MCF2L2: variants seen among roughly 807,000 people sequenced by gnomAD.
MCF2L2 encodes the protein probable guanine nucleotide exchange factor MCF2L2.
Under a neutral mutation model 150.2 loss-of-function variants are expected in MCF2L2, and 102 were observed. That is an observed-to-expected ratio of 0.68 (90% CI 0.58 to 0.80). The LOEUF is 0.80. Ranked by LOEUF, MCF2L2 falls within the 30% of genes least tolerant of loss-of-function variation. The pLI, the probability that MCF2L2 is intolerant of heterozygous loss-of-function variation, is 0.00. For missense variants in MCF2L2, 1,256 were observed against 1,372.8 expected (o/e 0.91, Z 1.34); for synonymous variants, 465 against 491.3 (o/e 0.95, Z 0.71).
chr3:183,284,352 G>A (rs1256887386), intron 14 of MCF2L2, among the ~76,000 whole-genome samples: 2 of 152,158 alleles, frequency 1.3e-5, no homozygotes, highest in African/African-American at 4.8e-5. Context: ...CTAGGACAAT[G>A]TTACAAAGAG....
intron 25 of MCF2L2, among the ~76,000 whole-genome samples, chr3:183,201,633 T>C (rs1269278615): frequency 6.6e-6 from 1 of 152,216 alleles, no homozygotes; most frequent in East Asian, 1.9e-4. Context: ...TCCTGCCTGA[T>C]TGCCCTGGCC....
intron 3 of MCF2L2, among the ~76,000 whole-genome samples, chr3:183,369,594 C>T (rs1158311210): frequency 5.9e-5 from 9 of 152,032 alleles, no homozygotes; most frequent in Non-Finnish European, 1.3e-4. Flanking sequence ...ATTTGGCCAC[C>T]CTGCTCAACA....
intron 1 of MCF2L2, among the ~76,000 whole-genome samples, chr3:183,422,377 G>A (rs1715929551): frequency 6.6e-6 from 1 of 152,142 alleles, no homozygotes; most frequent in Non-Finnish European, 1.5e-5. Flanking sequence ...CTACTTCCAG[G>A]CAAAATCTCA....
chr3:183,321,450 A>AAAAG (rs1434926906), intron 6 of MCF2L2, among the ~76,000 whole-genome samples: 6 of 151,912 alleles, frequency 3.9e-5, no homozygotes, highest in East Asian at 1.9e-4. Flanking sequence ...AAAAAAAAAA[A>AAAAG]AAAGAAAGAA....
chr3:183,291,131 T>G (rs1209269035), intron 13 of MCF2L2, among the ~76,000 whole-genome samples: 1 of 152,208 alleles, frequency 6.6e-6, no homozygotes, highest in Non-Finnish European at 1.5e-5. Context: ...CTCTGTGGGA[T>G]CTCTATAAAG....
In MCF2L2 at chr3:183,293,153, C is replaced by CA. The variant is rs548718940; in HGVS notation, c.1675+2146dup. On this transcript the variant is annotated intron_variant, in intron 13 of 29. Coordinates refer to ENST00000328913, the MANE Select transcript of MCF2L2 (RefSeq NM_015078.4). Reference sequence around the variant, plus strand: ...AATACAAAGACAGAAGAATAGAAAACAAAAAAAATATGTTCTGCAAACACT... The same window carrying CA: ...AATACAAAGACAGAAGAATAGAAAACAAAAAAAAATATGTTCTGCAAACACT... Among the ~76,000 whole-genome samples the CA allele has an allele frequency of 6.1e-4, 92 of 151,606 alleles. 1 individual carries two copies. The highest frequency in any genetic ancestry group is 4.3e-3 in the East Asian group (22 of 5,168).
chr3:183,281,533 C>A (rs1727481591), intron 14 of MCF2L2, among the ~76,000 whole-genome samples: 1 of 152,126 alleles, frequency 6.6e-6, no homozygotes, highest in South Asian at 2.1e-4. Flanking sequence ...CCGCAAAAGC[C>A]ACTTAAATAT....
intron 7 of MCF2L2, among the ~76,000 whole-genome samples, chr3:183,316,634 T>C (rs1201893262): frequency 1.3e-5 from 2 of 148,650 alleles, no homozygotes; most frequent in South Asian, 2.2e-4. Context: ...CATGAGCCAC[T>C]GCACCCAGCC....
At chr3:183,208,468 A>G (rs1397182842) in intron 22 of MCF2L2, among the ~76,000 whole-genome samples, 1 of 152,246 alleles carries the variant, frequency 6.6e-6, no homozygotes, top group African/African-American at 2.4e-5. Flanking sequence ...GTTTGACTCT[A>G]GGCATAAACT....
intron 14 of MCF2L2, among the ~76,000 whole-genome samples, chr3:183,286,837 A>G (rs752481424): frequency 6.6e-6 from 1 of 152,202 alleles, no homozygotes; most frequent in Non-Finnish European, 1.5e-5. Flanking sequence ...GTTAACATAC[A>G]CTGTTGTGGG....
At chr3:183,225,276 T>A (rs1723303568) in intron 18 of MCF2L2, 1 of 152,100 alleles carries the variant, frequency 6.6e-6, no homozygotes, top group Non-Finnish European at 1.5e-5. Context: ...TGCTATTCCC[T>A]CCAGGAAAAA....
intron 1 of MCF2L2, among the ~76,000 whole-genome samples, chr3:183,417,665 C>T (rs922884600): frequency 1.3e-5 from 2 of 152,110 alleles, no homozygotes; most frequent in African/African-American, 4.8e-5. Flanking sequence ...CCAGGAATGT[C>T]TTTATTTTGC....
intron 4 of MCF2L2, among the ~76,000 whole-genome samples, chr3:183,340,573 C>T (rs1173572935): frequency 6.6e-6 from 1 of 152,102 alleles, no homozygotes; most frequent in Non-Finnish European, 1.5e-5. Flanking sequence ...TAATTTAATG[C>T]AAATGCAAGC....
intron 4 of MCF2L2, among the ~76,000 whole-genome samples, chr3:183,339,764 T>A (rs1436381981): frequency 6.6e-6 from 1 of 151,566 alleles, no homozygotes; most frequent in Non-Finnish European, 1.5e-5. Flanking sequence ...CTATGGGGAT[T>A]TTTTTTTTCT....
At chr3:183,360,344 G>C (rs563415229) in intron 3 of MCF2L2, among the ~76,000 whole-genome samples, 1 of 152,112 alleles carries the variant, frequency 6.6e-6, no homozygotes, top group Non-Finnish European at 1.5e-5. Context: ...GAGGCAGGAG[G>C]GTCACTTGAG....
At chr3:183,333,003 C>A (rs1204078927) in intron 5 of MCF2L2, among the ~76,000 whole-genome samples, 1 of 152,044 alleles carries the variant, frequency 6.6e-6, no homozygotes, top group Non-Finnish European at 1.5e-5. Context: ...TCTAAGATGG[C>A]AAGTCTTCAC....
intron 15 of MCF2L2, among the ~76,000 whole-genome samples, chr3:183,263,679 A>C (rs73884616): frequency 6.6e-5 from 10 of 151,980 alleles, no homozygotes; most frequent in Admixed American, 1.3e-4. Context: ...CTCGTCTTAG[A>C]TTATTACCCC....
rs139245334 is a variant in MCF2L2, at chr3:183,308,916, C to T, written c.1113+800G>A. Among the ~76,000 whole-genome samples the T allele has an allele frequency of 7.2e-3, 1,096 of 152,296 alleles. 4 individuals carry two copies. Among genetic ancestry groups the T allele is most frequent in the Non-Finnish European group, 0.01 (714 of 68,022 alleles). ...TCCAGATTAGCTAAGAAAGGAAGCG[C>T]TAACCACAGGGGACTTGGTCCCCAA... On this transcript the variant is annotated intron_variant, in intron 10 of 29. Coordinates refer to ENST00000328913, the MANE Select transcript of MCF2L2 (RefSeq NM_015078.4).
chr3:183,342,372 C>G (rs1443716081), intron 3 of MCF2L2, among the ~76,000 whole-genome samples: 4 of 152,140 alleles, frequency 2.6e-5, no homozygotes, highest in Non-Finnish European at 5.9e-5. Context: ...AGGAGTTCAC[C>G]TAACTCTTCT....
Sources: allele counts gnomAD v4.1 joint callset (sites outside exome capture counted in the v4.1 genomes callset), GRCh38; gene constraint gnomAD v4.1.1; transcripts MANE v1.5; gene names NCBI Gene and HGNC (gene_info 2026-07-23, HGNC 2026-07-21).